SLC9A4: variants seen among roughly 807,000 people sequenced by gnomAD.
SLC9A4 encodes sodium/hydrogen exchanger 4.
Under a neutral mutation model 67.4 loss-of-function variants are expected in SLC9A4, and 63 were observed. The ratio of observed to expected loss-of-function variants is 0.93; its 90% CI spans 0.76 to 1.15. The LOEUF is 1.15. Ranked by LOEUF, SLC9A4 falls within the 50% of genes most tolerant of loss-of-function variation. The probability of loss-of-function intolerance (pLI) is 0.00; values close to 1 mark genes in which losing one functional copy is unlikely to be tolerated. For synonymous variants in SLC9A4, 393 were observed against 367.2 expected, an observed-to-expected ratio of 1.07 and a Z score of -0.80; for missense variants, 1,089 against 987.7, an observed-to-expected ratio of 1.10 and a Z score of -1.38.
At chr2:102,495,225 C>T (rs1684782611) in intron 2 of SLC9A4, among the ~76,000 whole-genome samples, 2 of 151,932 alleles carry the variant, frequency 1.3e-5, no homozygotes, top group Admixed American at 1.3e-4. Flanking sequence ...CTAGATGTTT[C>T]ATGGTTCAAG....
At chr2:102,480,314 G>A (rs1441785828) in intron 2 of SLC9A4, among the ~76,000 whole-genome samples, 1 of 150,734 alleles carries the variant, frequency 6.6e-6, no homozygotes, top group Non-Finnish European at 1.5e-5. Context: ...TATAAAGTGG[G>A]TGTATTTTAT....
chr2:102,475,256 A>G (rs10197881), intron 1 of SLC9A4, among the ~76,000 whole-genome samples: 118,231 of 152,226 alleles, frequency 0.78, 46,960 homozygotes, highest in African/African-American at 0.9. Context: ...GAAATCATAT[A>G]GACACTGATT....
chr2:102,509,146 G>A (rs989383443), intron 6 of SLC9A4, among the ~76,000 whole-genome samples: 6 of 152,336 alleles, frequency 3.9e-5, no homozygotes, highest in Middle Eastern at 6.8e-3. Context: ...GAGGTCGGAA[G>A]TTCAAAATCC....
chr2:102,520,020 T>C, intron 9 of SLC9A4, 65 bp downstream of exon 9: 1 of 1,364,240 alleles, frequency 7.3e-7, no homozygotes, highest in Non-Finnish European at 1.0e-6. Context: ...GAAGGGGGAG[T>C]CTGTTGATGT....
In SLC9A4 at chr2:102,526,246, T is replaced by G. The variant is rs368920379; in HGVS notation, c.1951-13T>G. 25 of 1,612,554 alleles carry G rather than the reference T, an allele frequency of 1.6e-5. No homozygotes were observed. The highest frequency in any genetic ancestry group is 2.0e-5 in the Non-Finnish European group (24 of 1,178,870). On this transcript the variant is annotated splice_polypyrimidine_tract_variant and intron_variant, in intron 10 of 11. Coordinates refer to ENST00000295269, the MANE Select transcript of SLC9A4 (RefSeq NM_001011552.4). ...AGCTTATTCTGCTTTTTCTTTCTAC[T>G]TGCTACCCACAGGCTGGCACCAAGA... is the stretch of plus-strand genomic sequence containing the variant.
At position 102,521,268 on chromosome 2, in the gene SLC9A4, T is replaced by C. The variant is rs1004000756; in HGVS notation, c.1818+1313T>C. Among the ~76,000 whole-genome samples the C allele has an allele frequency of 1.6e-4, 25 of 152,290 alleles. No homozygotes were observed. The Middle Eastern group carries it at 0.01, about 62-fold the overall frequency. On this transcript the variant is annotated intron_variant, in intron 9 of 11. Transcript: ENST00000295269. ...AGTCTCAAATAAGGTCAACTGCTCA[T>C]CCTTTCTTTTCTTCCTTGGATGCAG... is the stretch of plus-strand genomic sequence containing the variant.
chr2:102,524,962 T>A, intron 9 of SLC9A4, 62 bp from the exon 10 acceptor site: 3 of 1,599,278 alleles, frequency 1.9e-6, no homozygotes, highest in Non-Finnish European at 2.6e-6. Flanking sequence ...TTTCCATGGC[T>A]TCCTTGGCTG....
chr2:102,491,463 G>A lies in SLC9A4; in HGVS notation c.721-11985G>A, dbSNP rs11890412. On this transcript the variant is annotated intron_variant, in intron 2 of 11. Coordinates refer to ENST00000295269, the MANE Select transcript of SLC9A4 (RefSeq NM_001011552.4). ...CTTCACAATCATGGTGGAAGGCGAA[G>A]GAGGAGCAAAGCCACGTTTTACATG... Among the ~76,000 whole-genome samples the A allele has an allele frequency of 9.5e-3, 1,437 of 151,822 alleles. 19 individuals are homozygous for A. The highest frequency in any genetic ancestry group is 0.033 in the African/African-American group (1,363 of 41,394).
Position 102,478,905 on chromosome 2 carries a change from C to A in SLC9A4, c.323C>A (p.Ala108Glu), listed in dbSNP as rs751446252. 2 of 1,613,990 alleles carry A rather than the reference C, an allele frequency of 1.2e-6. No homozygotes were observed. Among genetic ancestry groups the A allele is most frequent in the Non-Finnish European group, 1.7e-6 (2 of 1,180,046 alleles). ...AGCTGCCTCCTCATCCTGGTGGGGG[C>A]GCTGGTGGGCGGCATCATCTTCGGC... ...PESCLLILVG[A>E]LVGGIIFGTD... The change falls in exon 2 of 12, where the codon GCG becomes GAG. Residue 108 changes from alanine (A) to glutamate (E), a missense_variant. By Grantham distance (107) the Ala-to-Glu change is moderately radical. Transcript: ENST00000295269.
At chr2:102,517,005 G>T (rs1685288408) in intron 8 of SLC9A4, among the ~76,000 whole-genome samples, 1 of 152,144 alleles carries the variant, frequency 6.6e-6, no homozygotes, top group Non-Finnish European at 1.5e-5. Flanking sequence ...TGTAGTCTAA[G>T]AATTTTCTAA....
Position 102,489,379 on chromosome 2 carries a change from G to A in SLC9A4, c.720+10077G>A, listed in dbSNP as rs532940268. Among the ~76,000 whole-genome samples, 21 of 152,216 alleles carry A rather than the reference G, an allele frequency of 1.4e-4. 1 individual carries two copies. The highest frequency in any genetic ancestry group is 7.2e-4 in the Admixed American group (11 of 15,286). Reference sequence around the variant, plus strand: ...TACAGGCAATTGAAAGAAATTGTTCGGTAGTTATAGAAATGAAAATCTAGA... The same window carrying A: ...TACAGGCAATTGAAAGAAATTGTTCAGTAGTTATAGAAATGAAAATCTAGA... On this transcript the variant is annotated intron_variant, in intron 2 of 11. Coordinates refer to ENST00000295269, the MANE Select transcript of SLC9A4 (RefSeq NM_001011552.4).
intron 6 of SLC9A4, among the ~76,000 whole-genome samples, chr2:102,510,007 CTT>C (rs35336558): frequency 1.4e-3 from 206 of 147,060 alleles, no homozygotes; most frequent in Middle Eastern, 7.1e-3. Context: ...ATCATACTTC[CTT>C]TTTTTTTTTT....
At chr2:102,519,569 C>G (rs905508051) in intron 8 of SLC9A4, among the ~76,000 whole-genome samples, 10 of 152,010 alleles carry the variant, frequency 6.6e-5, no homozygotes, top group African/African-American at 2.4e-4. Flanking sequence ...CAGTCTATAA[C>G]AGATTTGGAG....
chr2:102,485,047 G>T (rs1684556854), intron 2 of SLC9A4, among the ~76,000 whole-genome samples: 1 of 152,114 alleles, frequency 6.6e-6, no homozygotes, highest in Non-Finnish European at 1.5e-5. Flanking sequence ...AAGCCTCATG[G>T]CACCTTAATG....
intron 2 of SLC9A4, among the ~76,000 whole-genome samples, chr2:102,500,886 G>A (rs1684915959): frequency 6.6e-6 from 1 of 151,862 alleles, no homozygotes; most frequent in Non-Finnish European, 1.5e-5. Context: ...AACAAAACAG[G>A]ACAGCAGCTT....
At chr2:102,526,884 T>G (rs1321156838) in intron 11 of SLC9A4, among the ~76,000 whole-genome samples, 1 of 152,240 alleles carries the variant, frequency 6.6e-6, no homozygotes, top group Non-Finnish European at 1.5e-5. Context: ...AAGCAGTTAC[T>G]ATTTTTATAT....
chr2:102,515,222 A>G (rs866882887), intron 8 of SLC9A4, among the ~76,000 whole-genome samples: 3 of 151,910 alleles, frequency 2.0e-5, no homozygotes, highest in Admixed American at 1.3e-4. Context: ...GGAAGTTGGA[A>G]GAAGAGCTAA....
rs371297495 is a variant in SLC9A4, at chr2:102,498,681, GACAA to G, written c.721-4760_721-4757del. On this transcript the variant is annotated intron_variant, in intron 2 of 11. Coordinates refer to ENST00000295269, the MANE Select transcript of SLC9A4 (RefSeq NM_001011552.4). ...CCATATGTGGCAGAAAGTGAAATTG[GACAA>G]ACAAACTCACCGAGTCAAGACACAA... 2.0e-4 allele frequency among the ~76,000 whole-genome samples: 30 copies of G among 152,198 alleles called. No individual in the cohort carries two copies. In the East Asian group the frequency reaches 5.4e-3, roughly 27 times the overall value.
chr2:102,508,248 T>C lies in SLC9A4; in HGVS notation c.1368T>C (p.Thr456=). 6.2e-7 allele frequency: 1 copy of C among 1,613,922 alleles called. No homozygotes were observed. The highest frequency in any genetic ancestry group is 2.2e-5 in the East Asian group (1 of 44,890). The change falls in exon 5 of 12, where the codon ACT becomes ACC. Residue 456 remains threonine, a synonymous_variant. Coordinates refer to ENST00000295269, the MANE Select transcript of SLC9A4 (RefSeq NM_001011552.4). ...FPRKKMFVTA[T]LVVIYFTVFI... is the part of the protein sequence containing the mutation. The stretch of plus-strand genomic sequence containing the variant: ...GGAAGAAAATGTTTGTCACTGCTAC[T>C]CTAGTAGTTATATACTTTACTGTAT...
Sources: allele counts gnomAD v4.1 joint callset (sites outside exome capture counted in the v4.1 genomes callset), GRCh38; gene constraint gnomAD v4.1.1; transcripts MANE v1.5; gene names NCBI Gene and HGNC (gene_info 2026-07-23, HGNC 2026-07-21).